The following QRICH1 variants were observed in gnomAD, a reference collection of about 807,000 sequenced individuals.
QRICH1 encodes the protein glutamine rich 1, also known as transcriptional regulator QRICH1.
A neutral mutation model predicts 87.1 loss-of-function variants in QRICH1; 16 were observed. The observed-to-expected ratio is 0.18, with a 90% CI of 0.12 to 0.28. The LOEUF (loss-of-function observed/expected upper bound fraction) is 0.28. QRICH1 is among the 10% of genes least tolerant of loss of function. The pLI, the probability that QRICH1 is intolerant of heterozygous loss-of-function variation, is 1.00. For missense variants in QRICH1, 647 were observed against 951.7 expected, an observed-to-expected ratio of 0.68 and a Z score of 4.21; for synonymous variants, 367 against 368.4, an observed-to-expected ratio of 1.00 and a Z score of 0.05.
chr3:49,056,901 T>A lies in QRICH1; in HGVS notation c.1299A>T (p.Pro433=). The A allele has an allele frequency of 1.2e-6, 2 of 1,614,058 alleles. No individual in the cohort carries two copies. Among genetic ancestry groups the A allele is most frequent in the Non-Finnish European group, 8.5e-7 (1 of 1,179,968 alleles). The change falls in exon 3 of 10, where the codon CCA becomes CCT. Residue 433 remains proline (P), a synonymous_variant. Transcript: ENST00000395443. ...GGAGTTGCTGCTGCTGCTGCTGTGG[T>A]GGTGGTGTCTGTTCCTGGGGAGTTT... ...QQQTPQEQTP[P]PQQQQQQLQV...
intron 2 of QRICH1, among the ~76,000 whole-genome samples, chr3:49,071,625 C>T (rs556275978): frequency 4.7e-4 from 72 of 152,028 alleles, no homozygotes; most frequent in Admixed American, 9.8e-4. Context: ...ATTGGCCAGG[C>T]GTGGTAAGGA....
intron 1 of QRICH1, among the ~76,000 whole-genome samples, chr3:49,088,093 A>G (rs1261354391): frequency 6.6e-6 from 1 of 150,618 alleles, no homozygotes; most frequent in African/African-American, 2.4e-5. Flanking sequence ...CTGGGACCAC[A>G]GGCGCCCGCC....
chr3:49,089,394 T>C (rs1291772735), intron 1 of QRICH1, among the ~76,000 whole-genome samples: 1 of 152,210 alleles, frequency 6.6e-6, no homozygotes, highest in Non-Finnish European at 1.5e-5. Context: ...CTAAAATTTG[T>C]ATTTTTCCCA....
intron 3 of QRICH1, among the ~76,000 whole-genome samples, chr3:49,055,839 C>T (rs1226629289): frequency 6.6e-6 from 1 of 151,962 alleles, no homozygotes; most frequent in Non-Finnish European, 1.5e-5. Flanking sequence ...CCACCACACC[C>T]GGCTAATTTT....
chr3:49,061,743 T>C lies in QRICH1; in HGVS notation c.310-3853A>G, dbSNP rs550525186. Among the ~76,000 whole-genome samples, 61 of 152,116 alleles carry C rather than the reference T, an allele frequency of 4.0e-4. 1 individual carries two copies. Among genetic ancestry groups the C allele is most frequent in the African/African-American group, 1.4e-3 (59 of 41,492 alleles). On this transcript the variant is annotated intron_variant, in intron 2 of 9. Transcript: ENST00000395443. ...GGTGCATGCCTGTAATCCCAGCTAC[T>C]TGGGAGGTTGAGGCAGGTGAACTAC...
intron 1 of QRICH1, among the ~76,000 whole-genome samples, chr3:49,085,774 A>T (rs1379602640): frequency 6.6e-6 from 1 of 151,680 alleles, no homozygotes; most frequent in Non-Finnish European, 1.5e-5. Flanking sequence ...AAAAAAAAAG[A>T]AAAAGAAACT....
chr3:49,053,736 G>T (rs2093385596), intron 3 of QRICH1, among the ~76,000 whole-genome samples: 1 of 152,178 alleles, frequency 6.6e-6, no homozygotes, highest in African/African-American at 2.4e-5. Context: ...GGCGGTTGGT[G>T]TGAGGAAGTG....
chr3:49,061,665 C>A (rs998660766), intron 2 of QRICH1, among the ~76,000 whole-genome samples: 2 of 151,906 alleles, frequency 1.3e-5, no homozygotes, highest in South Asian at 4.2e-4. Context: ...CCAGCCTGAC[C>A]GACATGGTGA....
At chr3:49,088,364 G>A (rs1482568640) in intron 1 of QRICH1, among the ~76,000 whole-genome samples, 25 of 151,796 alleles carry the variant, frequency 1.6e-4, no homozygotes, top group Admixed American at 3.9e-4. Flanking sequence ...GCATCATCTC[G>A]GCTCAATGCA....
intron 6 of QRICH1, among the ~76,000 whole-genome samples, chr3:49,040,186 A>G (rs2093301884): frequency 6.6e-6 from 1 of 152,266 alleles, no homozygotes; most frequent in Non-Finnish European, 1.5e-5. Flanking sequence ...TGAAGTCTGC[A>G]TATCCATACT....
chr3:49,071,000 G>A (rs1260151529), intron 2 of QRICH1, among the ~76,000 whole-genome samples: 1 of 151,688 alleles, frequency 6.6e-6, no homozygotes, highest in African/African-American at 2.4e-5. Context: ...TACCTTCCAA[G>A]TTCAAGCATT....
intron 2 of QRICH1, among the ~76,000 whole-genome samples, chr3:49,063,509 G>A (rs1237126414): frequency 6.6e-6 from 1 of 152,118 alleles, no homozygotes; most frequent in Non-Finnish European, 1.5e-5. Context: ...TGAATTTGGG[G>A]CTGGGCATCG....
At chr3:49,044,141 G>GA (rs538027583) in intron 6 of QRICH1, among the ~76,000 whole-genome samples, 6 of 151,994 alleles carry the variant, frequency 3.9e-5, no homozygotes, top group Admixed American at 3.9e-4. Flanking sequence ...ATTTTAATAG[G>GA]AAAAAAAAGA....
Position 49,057,093 on chromosome 3 carries a change from T to C in QRICH1, c.1107A>G (p.Lys369=). 6.2e-7 allele frequency: 1 copy of C among 1,614,202 alleles called. No homozygotes were observed. Among genetic ancestry groups the C allele is most frequent in the Non-Finnish European group, 8.5e-7 (1 of 1,180,034 alleles). Residue 369 remains lysine, a synonymous_variant, in exon 3 of 10, where the codon AAA becomes AAG. Transcript: ENST00000395443. This position sits in a 1 kb window ranked among gnomAD's most constrained non-coding sequence, Gnocchi z 5.4. ...TCTGCACTACCTCTTCATGGGAGTT[T>C]TTCACTACAGATGTGGTGCCCACCA... is the stretch of plus-strand genomic sequence containing the variant. ...EKMVGTTSVV[K]NSHEEVVQTL... is the part of the protein sequence containing the mutation.
chr3:49,037,670 T>A (rs2093283760), intron 6 of QRICH1, among the ~76,000 whole-genome samples: 2 of 147,394 alleles, frequency 1.4e-5, no homozygotes, highest in Non-Finnish European at 3.0e-5. Context: ...AGGTGGAGGT[T>A]ACAGTGAGCC....
chr3:49,046,207 C>T (rs1454549996), intron 5 of QRICH1, among the ~76,000 whole-genome samples: 1 of 151,426 alleles, frequency 6.6e-6, no homozygotes, highest in Non-Finnish European at 1.5e-5. Flanking sequence ...CGTGAGCCAC[C>T]AGCGCCCGGC....
At chr3:49,036,017 T>C (rs1012229530) in intron 6 of QRICH1, among the ~76,000 whole-genome samples, 7 of 149,500 alleles carry the variant, frequency 4.7e-5, no homozygotes, top group African/African-American at 1.7e-4. Context: ...GCCCAGGAGG[T>C]AGAAGTTGCA....
At chr3:49,090,641 AAAAGAG>A (rs1301830048) in intron 1 of QRICH1, among the ~76,000 whole-genome samples, 3 of 151,400 alleles carry the variant, frequency 2.0e-5, no homozygotes, top group East Asian at 3.9e-4. Context: ...AAAAAAAAAA[AAAAGAG>A]AAAAGAGAAA....
At position 49,086,100 on chromosome 3, in the gene QRICH1, T is replaced by A. The variant is rs530826533; in HGVS notation, c.-22+7812A>T. On this transcript the variant is annotated intron_variant, in intron 1 of 9. Coordinates refer to ENST00000395443, the MANE Select transcript of QRICH1 (RefSeq NM_198880.3). ...TGTATGAGGTCTGTAAACAAGCATT[T>A]ACTTCTAAACGCTTTTAAATATAGC... Among the ~76,000 whole-genome samples, 216 of 151,862 alleles carry A rather than the reference T, an allele frequency of 1.4e-3. 1 individual carries two copies. The highest frequency in any genetic ancestry group is 2.3e-3 in the Admixed American group (35 of 15,250).
Sources: gnomAD v4.1 joint callset for allele counts (sites outside exome capture counted in the v4.1 genomes callset) on GRCh38, gnomAD v4.1.1 for gene constraint, Gnocchi (gnomAD v3.1) non-coding constraint, MANE v1.5 for transcripts, NCBI Gene and HGNC (gene_info 2026-07-23, HGNC 2026-07-21) for gene names.